TMEM38B: variants seen among roughly 807,000 people sequenced by gnomAD.
The protein encoded by TMEM38B is trimeric intracellular cation channel type B.
TMEM38B carries 24 observed loss-of-function variants against 28.7 expected under a neutral mutation model. That is an observed-to-expected ratio of 0.84 (90% CI 0.61 to 1.18). TMEM38B has a LOEUF of 1.18. Among genes scored for constraint, TMEM38B ranks in the 50% most tolerant of loss-of-function variants. The pLI, the probability that TMEM38B is intolerant of heterozygous loss-of-function variation, is 0.00. For synonymous variants in TMEM38B, 131 were observed against 127.7 expected (o/e 1.03, Z -0.17); for missense variants, 380 against 350.9 (o/e 1.08, Z -0.66).
chr9:105,759,210 T>A (rs1588466249), intron 5 of TMEM38B: 2 of 722,466 alleles, frequency 2.8e-6, no homozygotes, highest in East Asian at 4.9e-5. Context: ...TTTTGAATAT[T>A]ATGAATTATT....
chr9:105,742,719 A>G (rs1299429708), intron 4 of TMEM38B, among the ~76,000 whole-genome samples: 1 of 152,208 alleles, frequency 6.6e-6, no homozygotes, highest in Non-Finnish European at 1.5e-5. Flanking sequence ...AAAATGGTAG[A>G]TGTGTATGCC....
chr9:105,726,896 T>C (rs1157759950), intron 4 of TMEM38B, among the ~76,000 whole-genome samples: 1 of 152,110 alleles, frequency 6.6e-6, no homozygotes, highest in African/African-American at 2.4e-5. Context: ...AAGAGAGTAT[T>C]TGTAGGAATT....
chr9:105,695,243 G>C lies in TMEM38B; in HGVS notation c.112+471G>C, dbSNP rs374687077. Among the ~76,000 whole-genome samples, 5 of 146,390 alleles carry C rather than the reference G, an allele frequency of 3.4e-5. No homozygotes were observed. The South Asian group carries it at 1.0e-3, about 30-fold the overall frequency. Reference sequence around the variant, plus strand: ...TCATGTGAGGAGACAGCAGGTTTCTGACTCAGTCTCTTGGAGTAATAGATG... The same window carrying C: ...TCATGTGAGGAGACAGCAGGTTTCTCACTCAGTCTCTTGGAGTAATAGATG... On this transcript the variant is annotated intron_variant, in intron 1 of 5. Transcript: ENST00000374692.
At position 105,738,715 on chromosome 9, in the gene TMEM38B, C is replaced by CTTTTTTTT. The variant is rs71489351; in HGVS notation, c.543-9344_543-9337dup. Among the ~76,000 whole-genome samples the CTTTTTTTT allele has an allele frequency of 5.6e-4, 61 of 109,666 alleles. 4 individuals are homozygous for CTTTTTTTT. Among genetic ancestry groups the CTTTTTTTT allele is most frequent in the African/African-American group, 2.1e-3 (51 of 24,522 alleles). 71.9% of individuals were successfully genotyped at this position (109,666 alleles called of 152,430 possible). A position where few individuals can be genotyped will look rare whatever the true frequency, so the allele number is the denominator to read the frequency against. ...CAGATCCATATGAGTTAATTTTTTC[C>CTTTTTTTT]TTTTTTTTTTTTTTTTTTTTTGAGA... On this transcript the variant is annotated intron_variant, in intron 4 of 5. Coordinates refer to ENST00000374692, the MANE Select transcript of TMEM38B (RefSeq NM_018112.3).
rs1354766621 is a variant in TMEM38B, at chr9:105,724,840, T to C, written c.542+2219T>C. On this transcript the variant is annotated intron_variant, in intron 4 of 5. Coordinates refer to ENST00000374692, the MANE Select transcript of TMEM38B (RefSeq NM_018112.3). Reference sequence around the variant, plus strand: ...ATTTTTCTCATTTTGAGTATATGCCTTGAAACACCTTCCATAAAACATTTT... The same window carrying C: ...ATTTTTCTCATTTTGAGTATATGCCCTGAAACACCTTCCATAAAACATTTT... Among the ~76,000 whole-genome samples the C allele has an allele frequency of 2.0e-5, 3 of 152,324 alleles. No individual in the cohort carries two copies. In the East Asian group the frequency reaches 5.8e-4, roughly 29 times the overall value.
At chr9:105,704,940 A>AG (rs1055034278) in intron 1 of TMEM38B, among the ~76,000 whole-genome samples, 1 of 151,780 alleles carries the variant, frequency 6.6e-6, no homozygotes, top group Non-Finnish European at 1.5e-5. Context: ...AAAAAAAAAA[A>AG]GAGATACCAC....
chr9:105,719,401 C>T (rs1792977346), intron 2 of TMEM38B, among the ~76,000 whole-genome samples: 2 of 152,154 alleles, frequency 1.3e-5, no homozygotes, highest in East Asian at 3.9e-4. Context: ...ATTATGTTTA[C>T]AGAAGGGTTA....
chr9:105,696,003 T>A (rs1436108500), intron 1 of TMEM38B, among the ~76,000 whole-genome samples: 1 of 152,226 alleles, frequency 6.6e-6, no homozygotes, highest in Non-Finnish European at 1.5e-5. Flanking sequence ...ATGTTCACAT[T>A]GTGGTCCAGG....
intron 5 of TMEM38B, chr9:105,760,438 C>A: frequency 1.3e-6 from 1 of 741,062 alleles, no homozygotes; most frequent in South Asian, 1.5e-5. Flanking sequence ...TATTGAAAAT[C>A]CTGGAGATGG....
At chr9:105,737,067 A>G (rs1391430388) in intron 4 of TMEM38B, among the ~76,000 whole-genome samples, 2 of 152,210 alleles carry the variant, frequency 1.3e-5, no homozygotes, top group Admixed American at 1.3e-4. Flanking sequence ...AGGCAGTCAC[A>G]GCAGTGCTGG....
intron 4 of TMEM38B, among the ~76,000 whole-genome samples, chr9:105,726,136 A>G (rs970751065): frequency 5.3e-5 from 8 of 152,102 alleles, no homozygotes; most frequent in Admixed American, 2.0e-4. Context: ...TGTATTAGGA[A>G]CATTCTAATT....
chr9:105,756,760 A>T (rs1272563894), intron 5 of TMEM38B, among the ~76,000 whole-genome samples: 1 of 152,148 alleles, frequency 6.6e-6, no homozygotes, highest in Non-Finnish European at 1.5e-5. Flanking sequence ...AACATCTCTT[A>T]TAATATTTCT....
At chr9:105,696,107 A>G (rs1293772100) in intron 1 of TMEM38B, among the ~76,000 whole-genome samples, 2 of 152,160 alleles carry the variant, frequency 1.3e-5, no homozygotes, top group South Asian at 2.1e-4. Context: ...TCAGAAGTGT[A>G]CAGTGGAGTT....
chr9:105,774,899 TTTG>T lies in TMEM38B; in HGVS notation c.*822_*824del. On this transcript the variant is annotated 3_prime_UTR_variant, in exon 6 of 6. Coordinates refer to ENST00000374692, the MANE Select transcript of TMEM38B (RefSeq NM_018112.3). ...TTTTTTTCTCTCTCATAAAAACACA[TTTG>T]TTTTAATTGTAGGAGAAATTTTCTC... 1 of 152,224 alleles carries T rather than the reference TTTG, an allele frequency of 6.6e-6. No homozygotes were observed. The highest frequency in any genetic ancestry group is 1.9e-4 in the East Asian group (1 of 5,188). 9.4% of individuals were successfully genotyped at this position (152,224 alleles called of 1,614,324 possible).
At chr9:105,732,001 A>G (rs1344086336) in intron 4 of TMEM38B, among the ~76,000 whole-genome samples, 31 of 152,078 alleles carry the variant, frequency 2.0e-4, no homozygotes, top group Non-Finnish European at 3.4e-4. Flanking sequence ...TCACCATTCT[A>G]ACTGGCATGA....
intron 5 of TMEM38B, among the ~76,000 whole-genome samples, chr9:105,765,070 C>G (rs1826319895): frequency 1.3e-5 from 2 of 152,150 alleles, no homozygotes; most frequent in Non-Finnish European, 2.9e-5. Flanking sequence ...ACACCTTATA[C>G]AAAAATCAAT....
intron 5 of TMEM38B, among the ~76,000 whole-genome samples, chr9:105,764,222 T>G (rs1437914137): frequency 1.3e-5 from 2 of 152,088 alleles, no homozygotes; most frequent in African/African-American, 4.8e-5. Flanking sequence ...GTGTTGGAAG[T>G]TCTGGCTAGG....
chr9:105,758,698 A>G (rs763514296), intron 5 of TMEM38B: 2 of 747,730 alleles, frequency 2.7e-6, no homozygotes, highest in South Asian at 1.5e-5. Flanking sequence ...TTGAGAAAAA[A>G]CAACATAGAG....
intron 5 of TMEM38B, among the ~76,000 whole-genome samples, chr9:105,766,205 G>T (rs572408215): frequency 6.6e-6 from 1 of 152,286 alleles, no homozygotes; most frequent in South Asian, 2.1e-4. Context: ...TTTCAAAATG[G>T]TTGTATCATT....
Sources: allele counts gnomAD v4.1 joint callset (sites outside exome capture counted in the v4.1 genomes callset), GRCh38; gene constraint gnomAD v4.1.1; transcripts MANE v1.5; gene names NCBI Gene and HGNC (gene_info 2026-07-23, HGNC 2026-07-21).